GSTO2: variants seen among roughly 807,000 people sequenced by gnomAD.
GSTO2 encodes the protein glutathione S-transferase omega-2.
A neutral mutation model predicts 28.4 loss-of-function variants in GSTO2; 23 were observed. That is an observed-to-expected ratio of 0.81 (90% CI 0.58 to 1.15). The LOEUF (loss-of-function observed/expected upper bound fraction) is 1.15. GSTO2 is among the 50% of genes most tolerant of loss of function. The probability of loss-of-function intolerance (pLI) is 0.00; values close to 1 mark genes in which losing one functional copy is unlikely to be tolerated. For missense variants in GSTO2, 298 were observed against 297.8 expected (o/e 1.00, Z 0.00); for synonymous variants, 109 against 111.0 (o/e 0.98, Z 0.11).
intron 5 of GSTO2, among the ~76,000 whole-genome samples, chr10:104,287,918 C>T (rs1320584489): frequency 3.7e-5 from 5 of 135,030 alleles, no homozygotes; most frequent in East Asian, 4.2e-4. Context: ...GACGGAGTCT[C>T]GCTCTGTCGC....
chr10:104,303,675 A>G lies in GSTO2; in HGVS notation c.*4391A>G, dbSNP rs368081134. 1.3e-5 allele frequency: 2 copies of G among 152,268 alleles called. No individual in the cohort carries two copies. Among genetic ancestry groups the G allele is most frequent in the African/African-American group, 2.4e-5 (1 of 41,476 alleles). 9.4% of individuals were successfully genotyped at this position (152,268 alleles called of 1,614,324 possible). A position where few individuals can be genotyped will look rare whatever the true frequency, so the allele number is the denominator to read the frequency against. On this transcript the variant is annotated 3_prime_UTR_variant, in exon 7 of 7. Transcript: ENST00000338595. ...ATTCAAGCAGGCTGCAGAAATTTGC[A>G]TAAGTAAAAAGGAGCCAAGTGCTAA... is the stretch of plus-strand genomic sequence containing the variant.
At chr10:104,286,367 T>C (rs2012422465) in intron 5 of GSTO2, among the ~76,000 whole-genome samples, 1 of 152,216 alleles carries the variant, frequency 6.6e-6, no homozygotes, top group African/African-American at 2.4e-5. Context: ...CATGTAGCAT[T>C]TCATGAGCTA....
intron 1 of GSTO2, among the ~76,000 whole-genome samples, chr10:104,272,475 C>T (rs753056844): frequency 2.6e-4 from 39 of 151,780 alleles, no homozygotes; most frequent in Non-Finnish European, 3.7e-4. Flanking sequence ...TGGAGTCAAA[C>T]TTCCAGGGTT....
chr10:104,289,667 G>A (rs890528238), intron 5 of GSTO2, among the ~76,000 whole-genome samples: 10 of 152,166 alleles, frequency 6.6e-5, no homozygotes, highest in African/African-American at 2.2e-4. Context: ...TCATCACATG[G>A]TTAGCTCAGC....
At chr10:104,284,095 C>T (rs902917061) in intron 5 of GSTO2, among the ~76,000 whole-genome samples, 1 of 150,236 alleles carries the variant, frequency 6.7e-6, no homozygotes, top group African/African-American at 2.5e-5. Context: ...TTCAGTGGCT[C>T]ATGCCTGCAA....
chr10:104,291,749 C>A (rs559652570), intron 5 of GSTO2: 1 of 152,370 alleles, frequency 6.6e-6, no homozygotes, highest in East Asian at 1.9e-4. Flanking sequence ...CCTTCCTCTT[C>A]ATTTGCATCG....
chr10:104,271,063 T>G (rs1327330242), intron 1 of GSTO2, among the ~76,000 whole-genome samples: 1 of 152,174 alleles, frequency 6.6e-6, no homozygotes, highest in Admixed American at 6.5e-5. Context: ...GGTATAAACA[T>G]GAAATAACAT....
chr10:104,275,485 C>T (rs2011590031), intron 3 of GSTO2, 151 bp downstream of exon 3: 1 of 653,010 alleles, frequency 1.5e-6, no homozygotes, highest in African/African-American at 1.9e-5. Context: ...AAAGGGCGAG[C>T]TTTTTTTTAG....
In GSTO2 at chr10:104,299,662, G is replaced by T. The variant is rs1299110989; in HGVS notation, c.*378G>T. The T allele has an allele frequency of 2.1e-5, 5 of 235,602 alleles. No individual in the cohort carries two copies. Among genetic ancestry groups the T allele is most frequent in the Non-Finnish European group, 4.2e-5 (5 of 120,402 alleles). The allele number at this position is 235,602 out of a possible 1,614,324, so 14.6% of individuals were successfully genotyped here. A position where few individuals can be genotyped will look rare whatever the true frequency, so the allele number is the denominator to read the frequency against. ...AGCTAATTTTTAAAAAAATGTTGTT[G>T]AGACAGGGTCTCACTATGTTGCTCA... On this transcript the variant is annotated 3_prime_UTR_variant, in exon 7 of 7. Coordinates refer to ENST00000338595, the MANE Select transcript of GSTO2 (RefSeq NM_183239.2).
chr10:104,289,186 C>T (rs2012634114), intron 5 of GSTO2, among the ~76,000 whole-genome samples: 2 of 152,250 alleles, frequency 1.3e-5, no homozygotes, highest in Admixed American at 6.5e-5. Context: ...GCAGCCTCGA[C>T]CTCTCAGGCT....
In GSTO2 at chr10:104,299,306, C is replaced by G. The variant is rs578051135; in HGVS notation, c.*22C>G. 6.2e-7 allele frequency: 1 copy of G among 1,613,564 alleles called. No individual in the cohort carries two copies. Among genetic ancestry groups the G allele is most frequent in the Non-Finnish European group, 8.5e-7 (1 of 1,179,742 alleles). On this transcript the variant is annotated 3_prime_UTR_variant, in exon 7 of 7. Coordinates refer to ENST00000338595, the MANE Select transcript of GSTO2 (RefSeq NM_183239.2). Reference sequence around the variant, plus strand: ...CTGAGTCTCACTGTCCACCCCTTCGCTGTCCAGAATTCCCCAGCTTGTTGG... The same window carrying G: ...CTGAGTCTCACTGTCCACCCCTTCGGTGTCCAGAATTCCCCAGCTTGTTGG...
intron 5 of GSTO2, chr10:104,297,128 G>A (rs1253241418): frequency 1.3e-5 from 2 of 153,156 alleles, no homozygotes; most frequent in African/African-American, 4.8e-5. Context: ...GGGAGATCCT[G>A]AGCGGGGTTC....
rs779553594 is a variant in GSTO2 at position 104,299,335 on chromosome 10, T to A, written c.*51T>A. 1 of 1,597,164 alleles carries A rather than the reference T, an allele frequency of 6.3e-7. No homozygotes were observed. Among genetic ancestry groups the A allele is most frequent in the East Asian group, 2.2e-5 (1 of 44,672 alleles). On this transcript the variant is annotated 3_prime_UTR_variant, in exon 7 of 7. Coordinates refer to ENST00000338595, the MANE Select transcript of GSTO2 (RefSeq NM_183239.2). ...CCAGAATTCCCCAGCTTGTTGGGAGTCTACGTCACGGCTTGTCTTGGGAAC... is the reference window on the plus strand; with the variant it reads ...CCAGAATTCCCCAGCTTGTTGGGAGACTACGTCACGGCTTGTCTTGGGAAC...
At chr10:104,282,287 T>TCATGTCTG (rs2012115341) in intron 5 of GSTO2, among the ~76,000 whole-genome samples, 1 of 148,270 alleles carries the variant, frequency 6.7e-6, no homozygotes, top group Non-Finnish European at 1.5e-5. Context: ...GCACAGTGGC[T>TCATGTCTG]CATGTCTGTA....
intron 1 of GSTO2, among the ~76,000 whole-genome samples, chr10:104,272,587 CTTTTTTTTTTT>C (rs768279768): frequency 1.2e-4 from 6 of 49,306 alleles, no homozygotes; most frequent in East Asian, 8.9e-4. Flanking sequence ...AGTTATGGGA[CTTTTTTTTTTT>C]TTTTTTTTTT....
Position 104,297,823 on chromosome 10 carries a change from TC to T in GSTO2, c.575+141del, listed in dbSNP as rs1251703964. Reference sequence around the variant, plus strand: ...AGGTTTCTAAACCGCAGTGTGTGCTTCCTTGTTAAAAACATATGTGCTTTTC... The same window carrying T: ...AGGTTTCTAAACCGCAGTGTGTGCTTCTTGTTAAAAACATATGTGCTTTTC... On this transcript the variant is annotated intron_variant, in intron 6 of 6. Coordinates refer to ENST00000338595, the MANE Select transcript of GSTO2 (RefSeq NM_183239.2). The T allele has an allele frequency of 1.7e-5, 10 of 587,848 alleles. 1 individual carries two copies. The highest frequency in any genetic ancestry group is 2.8e-5 in the Non-Finnish European group (9 of 324,544). 36.4% of individuals were successfully genotyped at this position (587,848 alleles called of 1,614,324 possible). A position where few individuals can be genotyped will look rare whatever the true frequency, so the allele number is the denominator to read the frequency against.
In GSTO2 at chr10:104,302,305, C is replaced by G. The variant is rs2013279249; in HGVS notation, c.*3021C>G. On this transcript the variant is annotated 3_prime_UTR_variant, in exon 7 of 7. Coordinates refer to ENST00000338595, the MANE Select transcript of GSTO2 (RefSeq NM_183239.2). ...TAGGTGGAGCACAGCCAAACCATATCAGAGCCATTCTCTATCTTTTGCAGA... is the reference window on the plus strand; with the variant it reads ...TAGGTGGAGCACAGCCAAACCATATGAGAGCCATTCTCTATCTTTTGCAGA... 2 of 152,202 alleles carry G rather than the reference C, an allele frequency of 1.3e-5. No homozygotes were observed. The highest frequency in any genetic ancestry group is 6.5e-5 in the Admixed American group (1 of 15,284). 9.4% of individuals were successfully genotyped at this position (152,202 alleles called of 1,614,324 possible). A position where few individuals can be genotyped will look rare whatever the true frequency, so the allele number is the denominator to read the frequency against.
intron 5 of GSTO2, among the ~76,000 whole-genome samples, chr10:104,292,552 T>A (rs984253928): frequency 3.3e-5 from 5 of 151,680 alleles, no homozygotes; most frequent in African/African-American, 1.2e-4. Flanking sequence ...AGCCTCTACC[T>A]CCCAGGCTCA....
At chr10:104,273,746 A>G (rs17826034) in intron 1 of GSTO2, among the ~76,000 whole-genome samples, 33,718 of 152,156 alleles carry the variant, frequency 0.22, 4,316 homozygotes, top group Middle Eastern at 0.31. Context: ...AAGTTCTTCA[A>G]CCCTACTAGC....
Sources: allele counts gnomAD v4.1 joint callset (sites outside exome capture counted in the v4.1 genomes callset), GRCh38; gene constraint gnomAD v4.1.1; transcripts MANE v1.5; gene names NCBI Gene and HGNC (gene_info 2026-07-23, HGNC 2026-07-21).